TRIM37: variants seen among roughly 807,000 people sequenced by gnomAD.
The protein encoded by TRIM37 is E3 ubiquitin-protein ligase TRIM37.
A neutral mutation model predicts 129.8 loss-of-function variants in TRIM37; 80 were observed. The observed-to-expected ratio is 0.62, with a 90% CI of 0.51 to 0.74. The LOEUF (loss-of-function observed/expected upper bound fraction) is 0.74, where lower values mean the gene tolerates loss of function less well. TRIM37 is among the 30% of genes least tolerant of loss of function. The probability of loss-of-function intolerance (pLI) is 0.00; values close to 1 mark genes in which losing one functional copy is unlikely to be tolerated. For synonymous variants in TRIM37, 389 were observed against 387.1 expected (o/e 1.00, Z -0.06); for missense variants, 1,054 against 1,176.5 (o/e 0.90, Z 1.52).
chr17:59,071,799 A>T (rs961491902), intron 8 of TRIM37, among the ~76,000 whole-genome samples: 1 of 152,244 alleles, frequency 6.6e-6, no homozygotes, highest in Non-Finnish European at 1.5e-5. Flanking sequence ...CAAAAAAACC[A>T]GTTTGAAGTA....
At chr17:59,063,235 A>G (rs1452404410) in intron 10 of TRIM37, among the ~76,000 whole-genome samples, 1 of 151,666 alleles carries the variant, frequency 6.6e-6, no homozygotes, top group Non-Finnish European at 1.5e-5. Flanking sequence ...GCTGGAGCGC[A>G]GTGGCACGAT....
chr17:59,037,451 G>A (rs2038655250), intron 17 of TRIM37, among the ~76,000 whole-genome samples: 1 of 149,588 alleles, frequency 6.7e-6, no homozygotes, highest in Non-Finnish European at 1.5e-5. Flanking sequence ...CCAGCTATTC[G>A]GGAGGCTGAA....
chr17:59,065,113 G>A (rs1389700949), intron 9 of TRIM37, among the ~76,000 whole-genome samples: 1 of 151,968 alleles, frequency 6.6e-6, no homozygotes, highest in African/African-American at 2.4e-5. Flanking sequence ...AAGAAAAAAA[G>A]GCAACACATT....
rs143241826 is a variant in TRIM37, at chr17:59,084,075, T to C, written c.296A>G (p.His99Arg). ...CCAGCAAAATACACTAAGTTTTTCA[T>C]GGTGATTTTCACATCTATACATTAT... Reference protein sequence around the residue: ...ENEKDKCENHHEKLSVFCWTC... With the variant: ...ENEKDKCENHREKLSVFCWTC... Residue 99 changes from histidine to arginine, a missense_variant, in exon 5 of 24, where the codon CAT (histidine) becomes CGT (arginine). By Grantham distance (29) the His-to-Arg change is conservative. This residue lies in a region of TRIM37 where 752 missense variants were observed against 870.8 expected (regional missense o/e 0.86). Coordinates refer to ENST00000262294, the MANE Select transcript of TRIM37 (RefSeq NM_015294.6). 33 of 1,612,930 alleles carry C rather than the reference T, an allele frequency of 2.0e-5. No individual in the cohort carries two copies. In the African/African-American group the frequency reaches 3.6e-4, roughly 18 times the overall value.
At chr17:59,054,239 A>C (rs1027397116) in intron 13 of TRIM37, among the ~76,000 whole-genome samples, 7 of 152,208 alleles carry the variant, frequency 4.6e-5, no homozygotes, top group Non-Finnish European at 1.0e-4. Context: ...TTAAATATTC[A>C]AGTTCTTATT....
At chr17:58,985,782 T>C (rs1213259147) in intron 24 of TRIM37, among the ~76,000 whole-genome samples, 1 of 152,196 alleles carries the variant, frequency 6.6e-6, no homozygotes, top group Non-Finnish European at 1.5e-5. Flanking sequence ...CAATTAATTT[T>C]ACATAGTTTC....
At chr17:58,967,523 G>T in the TRIM37 span, among the ~76,000 whole-genome samples, 7,891 of 142,772 alleles carry the variant, frequency 0.055, 225 homozygotes, top group East Asian at 0.075. Context: ...TATATATAGA[G>T]AGAGAGAGAG....
intron 17 of TRIM37, among the ~76,000 whole-genome samples, chr17:59,033,325 G>C (rs997387269): frequency 1.3e-5 from 2 of 152,064 alleles, no homozygotes; most frequent in African/African-American, 4.8e-5. Context: ...TCCCACTTCT[G>C]CCTCCTCTTC....
chr17:59,074,348 C>CT (rs2042632031), intron 8 of TRIM37, among the ~76,000 whole-genome samples: 1 of 152,090 alleles, frequency 6.6e-6, no homozygotes, highest in Non-Finnish European at 1.5e-5. Context: ...ACTTGAGTAT[C>CT]TGCGGATTTT....
At chr17:58,978,438 C>T (rs1008875278), downstream of TRIM37, among the ~76,000 whole-genome samples, 2 of 152,104 alleles carry the variant, frequency 1.3e-5, no homozygotes, top group Admixed American at 1.3e-4. Context: ...AGGCCAGATG[C>T]GGTGGCTCAT....
chr17:59,022,905 G>T (rs2036773540), intron 19 of TRIM37, among the ~76,000 whole-genome samples: 1 of 152,086 alleles, frequency 6.6e-6, no homozygotes, highest in Admixed American at 6.6e-5. Flanking sequence ...AAAAGCCTTT[G>T]TTACATATTT....
At chr17:59,012,598 C>A (rs2144946573) in intron 21 of TRIM37, 152 bp from the exon 22 acceptor site, 1 of 645,032 alleles carries the variant, frequency 1.6e-6, no homozygotes, top group Non-Finnish European at 2.7e-6. Context: ...TCACTAAGGT[C>A]CTGGCACAGT....
At chr17:59,039,539 G>T (rs2038929702) in intron 17 of TRIM37, among the ~76,000 whole-genome samples, 1 of 152,020 alleles carries the variant, frequency 6.6e-6, no homozygotes, top group South Asian at 2.1e-4. Context: ...TAGAGAGGGG[G>T]TTCCATCATG....
intron 12 of TRIM37, among the ~76,000 whole-genome samples, chr17:59,058,445 C>T (rs2041174373): frequency 6.6e-6 from 1 of 152,084 alleles, no homozygotes; most frequent in South Asian, 2.1e-4. Context: ...GGGCTTAATT[C>T]CTGGGTGATG....
chr17:59,045,394 C>A (rs911967458), intron 16 of TRIM37, among the ~76,000 whole-genome samples: 7 of 151,688 alleles, frequency 4.6e-5, no homozygotes, highest in Admixed American at 4.6e-4. Flanking sequence ...AATTCCAGCA[C>A]TTTGGGAGGC....
intron 18 of TRIM37, among the ~76,000 whole-genome samples, chr17:59,029,515 C>G (rs1320809911): frequency 3.9e-5 from 6 of 152,164 alleles, no homozygotes; most frequent in South Asian, 4.1e-4. Context: ...TTTTACAGTA[C>G]TCCTTTACAT....
intron 17 of TRIM37, among the ~76,000 whole-genome samples, chr17:59,034,353 CT>C (rs1020320015): frequency 1.2e-4 from 17 of 147,242 alleles, no homozygotes; most frequent in Middle Eastern, 3.4e-3. Flanking sequence ...ACAAAAACTG[CT>C]TTTTTTTTTA....
chr17:58,989,498 T>C (rs1439146803), intron 24 of TRIM37, among the ~76,000 whole-genome samples: 1 of 152,010 alleles, frequency 6.6e-6, no homozygotes, highest in Non-Finnish European at 1.5e-5. Context: ...CTATGCAAGA[T>C]CATATGGGTG....
intron 8 of TRIM37, among the ~76,000 whole-genome samples, chr17:59,072,426 C>G (rs2042448797): frequency 1.3e-5 from 2 of 152,022 alleles, no homozygotes; most frequent in Admixed American, 1.3e-4. Context: ...TTAAGGCTCA[C>G]CAAAAATAAC....
Sources: gnomAD v4.1 joint callset for allele counts (sites outside exome capture counted in the v4.1 genomes callset) on GRCh38, gnomAD v4.1.1 for gene constraint, gnomAD v4.1.1 regional missense constraint, MANE v1.5 for transcripts, NCBI Gene and HGNC (gene_info 2026-07-23, HGNC 2026-07-21) for gene names.